Variants in CSMD1 observed in about 807,000 individuals in gnomAD.
The protein encoded by CSMD1 is CUB and Sushi multiple domains 1.
CSMD1 carries 213 observed loss-of-function variants against 417.5 expected under a neutral mutation model. That is an observed-to-expected ratio of 0.51 (90% CI 0.46 to 0.57). The LOEUF (loss-of-function observed/expected upper bound fraction) is 0.57, where lower values mean the gene tolerates loss of function less well. Ranked by LOEUF, CSMD1 falls within the 20% of genes least tolerant of loss-of-function variation. CSMD1 has a pLI of 0.00. For synonymous variants in CSMD1, 2,862 were observed against 1,736.8 expected, an observed-to-expected ratio of 1.65 and a Z score of -16.11; for missense variants, 6,923 against 4,529.7, an observed-to-expected ratio of 1.53 and a Z score of -15.17.
intron 52 of CSMD1, among the ~76,000 whole-genome samples, chr8:3,010,274 T>C (rs926420716): frequency 1.3e-5 from 2 of 152,208 alleles, no homozygotes; most frequent in Admixed American, 1.3e-4. Context: ...TACTGTGTTT[T>C]GTTTTAGATG....
chr8:3,303,658 T>C lies in CSMD1; in HGVS notation c.3950+4037A>G, dbSNP rs148186960. Among the ~76,000 whole-genome samples, 183 of 152,348 alleles carry C rather than the reference T, an allele frequency of 1.2e-3. 1 individual carries two copies. The highest frequency in any genetic ancestry group is 4.1e-3 in the African/African-American group (172 of 41,590). On this transcript the variant is annotated intron_variant, in intron 25 of 69. Transcript: ENST00000635120. ...AAAGCTTAGGAACAGTGTACACATA[T>C]GGTTATGTAAAACATAGCCTTTAAT... is the stretch of plus-strand genomic sequence containing the variant.
chr8:4,847,654 A>C (rs138845012), intron 1 of CSMD1, among the ~76,000 whole-genome samples: 1 of 152,012 alleles, frequency 6.6e-6, no homozygotes. Flanking sequence ...ACATTTAGAC[A>C]TGGTTTCTCC....
chr8:3,118,960 C>G (rs1178149480), intron 41 of CSMD1, among the ~76,000 whole-genome samples: 1 of 152,170 alleles, frequency 6.6e-6, no homozygotes, highest in East Asian at 1.9e-4. Context: ...GCGGGAGGAT[C>G]ACGAGGTCAG....
chr8:3,871,407 G>C (rs894598572), intron 5 of CSMD1, among the ~76,000 whole-genome samples: 1 of 151,802 alleles, frequency 6.6e-6, no homozygotes, highest in African/African-American at 2.4e-5. Flanking sequence ...TCTTCAACTT[G>C]CATTATTTTC....
Position 4,408,693 on chromosome 8 carries a change from G to A in CSMD1, c.415+11260C>T, listed in dbSNP as rs1796475463. Among the ~76,000 whole-genome samples the A allele has an allele frequency of 2.6e-5, 4 of 152,078 alleles. No individual in the cohort carries two copies. In the South Asian group the frequency reaches 6.2e-4, roughly 24 times the overall value. ...TTCATTTTCTTGAAACCAAGAATAA[G>A]CCCATAGTTGACCAGCTCTCAGAAT... is the stretch of plus-strand genomic sequence containing the variant. On this transcript the variant is annotated intron_variant, in intron 3 of 69. Transcript: ENST00000635120.
chr8:4,389,111 C>G (rs374083671), intron 3 of CSMD1, among the ~76,000 whole-genome samples: 9 of 152,282 alleles, frequency 5.9e-5, no homozygotes, highest in African/African-American at 1.9e-4. Context: ...AAAGTCTGTA[C>G]AGAATGATAA....
chr8:4,629,636 G>C (rs905596506), intron 2 of CSMD1, among the ~76,000 whole-genome samples: 1 of 152,060 alleles, frequency 6.6e-6, no homozygotes, highest in African/African-American at 2.4e-5. Flanking sequence ...TCTAAATTAC[G>C]TGTCCTGCCT....
chr8:3,992,568 G>C (rs1008932916), intron 5 of CSMD1, among the ~76,000 whole-genome samples: 8 of 152,198 alleles, frequency 5.3e-5, no homozygotes, highest in Non-Finnish European at 2.9e-5. Context: ...AGAATTCCTT[G>C]AGTCCAGGAT....
At chr8:4,448,474 A>G (rs1234926828) in intron 2 of CSMD1, among the ~76,000 whole-genome samples, 1 of 152,224 alleles carries the variant, frequency 6.6e-6, no homozygotes, top group Non-Finnish European at 1.5e-5. Context: ...ATACTTTCCC[A>G]GACAACAGCA....
chr8:3,057,945 C>G (rs538516565), intron 49 of CSMD1, among the ~76,000 whole-genome samples: 1 of 152,350 alleles, frequency 6.6e-6, no homozygotes, highest in Admixed American at 6.5e-5. Context: ...TTCCCCTACT[C>G]TCCGTAACTT....
At chr8:4,400,678 A>C (rs186963386) in intron 3 of CSMD1, among the ~76,000 whole-genome samples, 230 of 152,094 alleles carry the variant, frequency 1.5e-3, no homozygotes, top group African/African-American at 5.2e-3. Context: ...TAGGCCGTTC[A>C]GGCTAATTTG....
intron 38 of CSMD1, 55 bp downstream of exon 38, chr8:3,162,104 G>T: frequency 1.7e-6 from 2 of 1,149,132 alleles, no homozygotes; most frequent in Non-Finnish European, 1.3e-6. Context: ...CTTTAAGAGA[G>T]CTGCACAAAG....
At chr8:4,416,392 TTTAAA>T (rs1796940868) in intron 3 of CSMD1, among the ~76,000 whole-genome samples, 1 of 152,112 alleles carries the variant, frequency 6.6e-6, no homozygotes, top group South Asian at 2.1e-4. Context: ...ATAACCAATA[TTTAAA>T]TTATTGAAGT....
intron 1 of CSMD1, among the ~76,000 whole-genome samples, chr8:4,905,783 G>A (rs1044718038): frequency 7.3e-5 from 10 of 136,580 alleles, no homozygotes; most frequent in Admixed American, 1.7e-4. Flanking sequence ...TTGTGCCACT[G>A]CACTCCAGCC....
chr8:2,972,825 G>C (rs1309049808), intron 57 of CSMD1, among the ~76,000 whole-genome samples: 1 of 152,148 alleles, frequency 6.6e-6, no homozygotes, highest in African/African-American at 2.4e-5. Context: ...CCAGGATCTA[G>C]AAAACACTGG....
chr8:3,696,978 G>A (rs778837713), intron 7 of CSMD1, among the ~76,000 whole-genome samples: 6 of 152,054 alleles, frequency 3.9e-5, no homozygotes, highest in Non-Finnish European at 7.4e-5. Context: ...ACTGTAGATC[G>A]TAGGGGCCCC....
chr8:3,669,093 A>G (rs1190532099), intron 7 of CSMD1, among the ~76,000 whole-genome samples: 1 of 152,226 alleles, frequency 6.6e-6, no homozygotes, highest in Non-Finnish European at 1.5e-5. Context: ...TGATTGTGGA[A>G]GCCATTAACG....
At position 4,902,230 on chromosome 8, in the gene CSMD1, CA is replaced by C. The variant is rs200950527; in HGVS notation, c.85+92101del. 6.4e-3 allele frequency among the ~76,000 whole-genome samples: 977 copies of C among 151,478 alleles called. 12 individuals are homozygous for C. Among genetic ancestry groups the C allele is most frequent in the African/African-American group, 0.023 (931 of 41,224 alleles). On this transcript the variant is annotated intron_variant, in intron 1 of 69. Transcript: ENST00000635120. ...TTTGAAACTCACCTGGGCAACTTAG[CA>C]AGACTCCATCCATTAAAAAGACAAA...
chr8:4,843,774 C>T (rs1028419960), intron 1 of CSMD1, among the ~76,000 whole-genome samples: 16 of 152,316 alleles, frequency 1.1e-4, no homozygotes, highest in African/African-American at 3.6e-4. Context: ...GTCTCTGGAA[C>T]GTATCCGTTG....
Sources: gnomAD v4.1 joint callset for allele counts (sites outside exome capture counted in the v4.1 genomes callset) on GRCh38, gnomAD v4.1.1 for gene constraint, MANE v1.5 for transcripts, NCBI Gene and HGNC (gene_info 2026-07-23, HGNC 2026-07-21) for gene names.